Variants in ZZEF1 observed in about 807,000 individuals in gnomAD.
ZZEF1 encodes zinc finger ZZ-type and EF-hand domain-containing protein 1.
Under a neutral mutation model 342.8 loss-of-function variants are expected in ZZEF1, and 157 were observed. That is an observed-to-expected ratio of 0.46 (90% CI 0.40 to 0.52). The LOEUF is 0.52. Among genes scored for constraint, ZZEF1 ranks in the 20% least tolerant of loss-of-function variants. The probability of loss-of-function intolerance (pLI) is 0.00; values close to 1 mark genes in which losing one functional copy is unlikely to be tolerated. For missense variants in ZZEF1, 3,480 were observed against 3,725.6 expected, an observed-to-expected ratio of 0.93 and a Z score of 1.72; for synonymous variants, 1,505 against 1,429.1, an observed-to-expected ratio of 1.05 and a Z score of -1.20.
intron 37 of ZZEF1, among the ~76,000 whole-genome samples, chr17:4,048,289 T>C (rs2056969057): frequency 6.6e-6 from 1 of 152,216 alleles, no homozygotes; most frequent in Non-Finnish European, 1.5e-5. Flanking sequence ...CTACTGACTC[T>C]CTGGCTGAAT....
chr17:4,012,262 T>C (rs2055981447), intron 52 of ZZEF1, among the ~76,000 whole-genome samples: 2 of 152,158 alleles, frequency 1.3e-5, no homozygotes, highest in Admixed American at 6.5e-5. Flanking sequence ...ATCCTGTCTG[T>C]GTATGAGGAC....
intron 18 of ZZEF1, among the ~76,000 whole-genome samples, chr17:4,080,323 TTTTTTTTGTTTTTTG>T (rs2057698414): frequency 9.4e-6 from 1 of 106,598 alleles, no homozygotes; most frequent in South Asian, 3.7e-4. Context: ...AATCTGAATT[TTTTTTTTGTTTTTTG>T]TTTGTTTGTT....
At chr17:4,013,409 A>G (rs751180436) in intron 52 of ZZEF1, 40 bp downstream of exon 52, 1 of 1,539,714 alleles carries the variant, frequency 6.5e-7, no homozygotes, top group Non-Finnish European at 8.8e-7. Context: ...GTGGGGATAC[A>G]TATGCCTGGC....
intron 29 of ZZEF1, 122 bp from the exon 30 acceptor site, chr17:4,063,039 A>G: frequency 1.0e-6 from 1 of 988,504 alleles, no homozygotes; most frequent in Non-Finnish European, 1.4e-6. Flanking sequence ...GAGGTATTAG[A>G]AACACCATGT....
At position 4,008,793 on chromosome 17, in the gene ZZEF1, G is replaced by C; in HGVS notation, c.8805+90C>G. 1 of 1,507,994 alleles carries C rather than the reference G, an allele frequency of 6.6e-7. No individual in the cohort carries two copies. Among genetic ancestry groups the C allele is most frequent in the African/African-American group, 1.4e-5 (1 of 72,560 alleles). The allele number at this position is 1,507,994 out of a possible 1,614,324, so 93.4% of individuals were successfully genotyped here. A position where few individuals can be genotyped will look rare whatever the true frequency, so the allele number is the denominator to read the frequency against. On this transcript the variant is annotated intron_variant, in intron 54 of 54. Coordinates refer to ENST00000381638, the MANE Select transcript of ZZEF1 (RefSeq NM_015113.4). This position sits in a 1 kb window ranked among gnomAD's most constrained non-coding sequence, Gnocchi z 4.2. ...CTCCGGGTGGATTCTGTCCTACTCA[G>C]ACGCAATGTACAGACCTTCTCTGCC...
intron 42 of ZZEF1, among the ~76,000 whole-genome samples, chr17:4,027,130 C>G (rs2145020288): frequency 6.6e-6 from 1 of 152,012 alleles, no homozygotes; most frequent in South Asian, 2.1e-4. Context: ...CTTGAAATCT[C>G]TCTCTCTCTT....
chr17:4,129,532 A>C (rs2058630842), intron 1 of ZZEF1, among the ~76,000 whole-genome samples: 1 of 152,152 alleles, frequency 6.6e-6, no homozygotes. Flanking sequence ...CTTCAACATA[A>C]ATAAGGTAAA....
chr17:4,055,859 C>G (rs1265962677), intron 33 of ZZEF1, among the ~76,000 whole-genome samples: 2 of 152,190 alleles, frequency 1.3e-5, no homozygotes, highest in Non-Finnish European at 1.5e-5. Flanking sequence ...CTGCACAGGA[C>G]TGGGTGGGGG....
chr17:4,123,841 A>G, intron 2 of ZZEF1, 66 bp downstream of exon 2: 1 of 1,549,374 alleles, frequency 6.5e-7, no homozygotes, highest in South Asian at 1.2e-5. Flanking sequence ...AATTTTGCCT[A>G]ATTTCAATCA....
intron 31 of ZZEF1, among the ~76,000 whole-genome samples, chr17:4,058,866 G>A (rs2057225467): frequency 6.6e-6 from 1 of 152,074 alleles, no homozygotes; most frequent in Non-Finnish European, 1.5e-5. Context: ...ACAGCATGAG[G>A]CCGTCTCAAA....
chr17:4,119,863 ACTC>A (rs112371663), intron 2 of ZZEF1, among the ~76,000 whole-genome samples: 11,695 of 152,026 alleles, frequency 0.077, 527 homozygotes, highest in South Asian at 0.14. Flanking sequence ...GAGTCACTAA[ACTC>A]CTTGATTCTC....
chr17:4,116,608 G>A (rs2058397716), intron 3 of ZZEF1, among the ~76,000 whole-genome samples: 1 of 152,198 alleles, frequency 6.6e-6, no homozygotes, highest in African/African-American at 2.4e-5. Context: ...GAATGAGGAA[G>A]CAGACAAGAC....
chr17:4,090,610 T>C lies in ZZEF1; in HGVS notation c.2025+109A>G, dbSNP rs559955786. 8.1e-5 allele frequency: 64 copies of C among 794,592 alleles called. 1 individual carries two copies. Among genetic ancestry groups the C allele is most frequent in the Admixed American group, 1.6e-4 (8 of 50,752 alleles). 49.2% of individuals were successfully genotyped at this position (794,592 alleles called of 1,614,324 possible). A position where few individuals can be genotyped will look rare whatever the true frequency, so the allele number is the denominator to read the frequency against. On this transcript the variant is annotated intron_variant, in intron 12 of 54. Coordinates refer to ENST00000381638, the MANE Select transcript of ZZEF1 (RefSeq NM_015113.4). ...CCACAGAGTATGAACTCCCTGAAGGTAGATTCGCCTCTGGGGTTGTAGCAT... is the reference window on the plus strand; with the variant it reads ...CCACAGAGTATGAACTCCCTGAAGGCAGATTCGCCTCTGGGGTTGTAGCAT...
chr17:4,047,634 C>A (rs905257660), intron 37 of ZZEF1, among the ~76,000 whole-genome samples: 30 of 148,378 alleles, frequency 2.0e-4, no homozygotes, highest in East Asian at 7.9e-4. Flanking sequence ...CAGAGTGAGA[C>A]CCTGTCTCAA....
chr17:4,070,178 A>G (rs1303534544), intron 26 of ZZEF1, among the ~76,000 whole-genome samples: 1 of 152,256 alleles, frequency 6.6e-6, no homozygotes, highest in Non-Finnish European at 1.5e-5. Flanking sequence ...GCTGCAAGCT[A>G]GCTAAAGGTA....
intron 42 of ZZEF1, among the ~76,000 whole-genome samples, chr17:4,031,118 C>A (rs1326629102): frequency 6.6e-6 from 1 of 152,054 alleles, no homozygotes; most frequent in Non-Finnish European, 1.5e-5. Context: ...AGTTTGAGAC[C>A]AGCCTGGCCA....
At chr17:4,082,885 C>T (rs768573264) in intron 16 of ZZEF1, among the ~76,000 whole-genome samples, 3 of 152,192 alleles carry the variant, frequency 2.0e-5, no homozygotes, top group Non-Finnish European at 4.4e-5. Flanking sequence ...AAGCAATTCT[C>T]CTGCCTCAGC....
chr17:4,084,696 G>C (rs2057786802), intron 16 of ZZEF1, among the ~76,000 whole-genome samples: 1 of 152,158 alleles, frequency 6.6e-6, no homozygotes, highest in Non-Finnish European at 1.5e-5. Context: ...TCTTTGTATA[G>C]AATATTCCAT....
In ZZEF1 at chr17:4,008,316, C is replaced by CAA. The variant is rs2055857454; in HGVS notation, c.8805+566_8805+567insTT. On this transcript the variant is annotated intron_variant, in intron 54 of 54. Coordinates refer to ENST00000381638, the MANE Select transcript of ZZEF1 (RefSeq NM_015113.4). The surrounding 1 kb of genome is among the most constrained non-coding windows in gnomAD (Gnocchi z 4.2). ...TTACTTTGTTTTGAAAAGTTAGAGTCGTTTTTCACAAGACGTGTTATTCAT... is the reference window on the plus strand; with the variant it reads ...TTACTTTGTTTTGAAAAGTTAGAGTCAAGTTTTTCACAAGACGTGTTATTCAT... 1 of 167,192 alleles carries CAA rather than the reference C, an allele frequency of 6.0e-6. No individual in the cohort carries two copies. The highest frequency in any genetic ancestry group is 6.5e-5 in the Admixed American group (1 of 15,278). 10.4% of individuals were successfully genotyped at this position (167,192 alleles called of 1,614,324 possible).
Sources: allele counts gnomAD v4.1 joint callset (sites outside exome capture counted in the v4.1 genomes callset), GRCh38; gene constraint gnomAD v4.1.1; non-coding constraint Gnocchi (gnomAD v3.1); transcripts MANE v1.5; gene names NCBI Gene and HGNC (gene_info 2026-07-23, HGNC 2026-07-21).